Variants in ZNF148 observed in about 807,000 individuals in gnomAD.
The protein encoded by ZNF148 is zinc finger protein 148.
ZNF148 carries 7 observed loss-of-function variants against 67.7 expected under a neutral mutation model. That is an observed-to-expected ratio of 0.10 (90% CI 0.06 to 0.19). The LOEUF is 0.19. Among genes scored for constraint, ZNF148 ranks in the 10% least tolerant of loss-of-function variants. The pLI, the probability that ZNF148 is intolerant of heterozygous loss-of-function variation, is 1.00. For missense variants in ZNF148, 583 were observed against 947.1 expected (o/e 0.62, Z 5.05); for synonymous variants, 333 against 330.7 (o/e 1.01, Z -0.08).
chr3:125,366,411 C>A (rs529404735), intron 1 of ZNF148, among the ~76,000 whole-genome samples: 1 of 152,338 alleles, frequency 6.6e-6, no homozygotes, highest in South Asian at 2.1e-4. Flanking sequence ...GACTCTCCTA[C>A]CTTGTATTAT....
At chr3:125,350,678 C>A (rs950435432) in intron 1 of ZNF148, among the ~76,000 whole-genome samples, 1 of 152,156 alleles carries the variant, frequency 6.6e-6, no homozygotes, top group Non-Finnish European at 1.5e-5. Context: ...ATAGGCTTCA[C>A]GCTCCTAAGA....
intron 3 of ZNF148, among the ~76,000 whole-genome samples, chr3:125,316,865 T>C (rs562242484): frequency 6.6e-6 from 1 of 152,180 alleles, no homozygotes; most frequent in Admixed American, 6.6e-5. Flanking sequence ...GTGATTTTTT[T>C]AAATTAATCT....
At chr3:125,331,099 T>C (rs1473177815) in intron 2 of ZNF148, 59 bp downstream of exon 2, 1 of 398,322 alleles carries the variant, frequency 2.5e-6, no homozygotes, top group Non-Finnish European at 4.4e-6. Context: ...GTATGTGTAG[T>C]AACATGGGCA....
chr3:125,373,441 A>G (rs1942956458), intron 1 of ZNF148, among the ~76,000 whole-genome samples: 1 of 152,024 alleles, frequency 6.6e-6, no homozygotes, highest in South Asian at 2.1e-4. Context: ...GTAGTTTTTA[A>G]GAGTATGGTT....
intron 4 of ZNF148, among the ~76,000 whole-genome samples, chr3:125,296,402 C>T (rs1053567450): frequency 2.0e-5 from 3 of 152,162 alleles, no homozygotes; most frequent in East Asian, 1.9e-4. Flanking sequence ...GGATTACAGG[C>T]GTGAGCCACC....
intron 6 of ZNF148, among the ~76,000 whole-genome samples, 156 bp downstream of exon 6, chr3:125,278,968 T>C (rs1938221740): frequency 6.6e-6 from 1 of 152,178 alleles, no homozygotes; most frequent in African/African-American, 2.4e-5. Flanking sequence ...CTTAAGAGTT[T>C]TTCCTGGTTT....
chr3:125,300,499 T>C (rs1033076404), intron 4 of ZNF148, among the ~76,000 whole-genome samples: 2 of 152,186 alleles, frequency 1.3e-5, no homozygotes, highest in South Asian at 4.1e-4. Context: ...CTTATACCAA[T>C]GGCCAAATAT....
intron 7 of ZNF148, among the ~76,000 whole-genome samples, chr3:125,262,145 T>C (rs921982699): frequency 2.0e-5 from 3 of 152,188 alleles, no homozygotes; most frequent in East Asian, 1.9e-4. Context: ...TGAAACCGTC[T>C]TGTCACAAAG....
chr3:125,365,006 C>G (rs1942658591), intron 1 of ZNF148, among the ~76,000 whole-genome samples: 1 of 152,148 alleles, frequency 6.6e-6, no homozygotes, highest in Non-Finnish European at 1.5e-5. Flanking sequence ...ACCTTCTTGC[C>G]TATTATCTTA....
At chr3:125,254,784 T>C (rs1027314917) in intron 7 of ZNF148, among the ~76,000 whole-genome samples, 1 of 152,238 alleles carries the variant, frequency 6.6e-6, no homozygotes, top group Non-Finnish European at 1.5e-5. Flanking sequence ...CGGTTCTGTT[T>C]TGATATGAAT....
chr3:125,310,014 A>T (rs1940113185), intron 4 of ZNF148, among the ~76,000 whole-genome samples: 1 of 152,210 alleles, frequency 6.6e-6, no homozygotes, highest in African/African-American at 2.4e-5. Context: ...GTAGCTAGAA[A>T]ATATCTCAAA....
At chr3:125,342,343 CA>C (rs199779219) in intron 1 of ZNF148, among the ~76,000 whole-genome samples, 2 of 14,682 alleles carry the variant, frequency 1.4e-4, no homozygotes, top group African/African-American at 1.8e-4. Context: ...AAACTAAAGA[CA>C]AAAAAAAAAG....
chr3:125,242,534 T>C (rs1040621695), intron 7 of ZNF148, among the ~76,000 whole-genome samples: 4 of 152,088 alleles, frequency 2.6e-5, no homozygotes, highest in Non-Finnish European at 5.9e-5. Flanking sequence ...AGCAGGAGAA[T>C]TGCTTGAATC....
At chr3:125,315,281 C>A (rs1940430798) in intron 3 of ZNF148, among the ~76,000 whole-genome samples, 1 of 151,942 alleles carries the variant, frequency 6.6e-6, no homozygotes, top group Non-Finnish European at 1.5e-5. Context: ...AACTCCATAT[C>A]CTTAATATAT....
chr3:125,279,227 A>G lies in ZNF148; in HGVS notation c.480T>C (p.Asp160=), dbSNP rs1938237372. 4 of 1,584,602 alleles carry G rather than the reference A, an allele frequency of 2.5e-6. No homozygotes were observed. Among genetic ancestry groups the G allele is most frequent in the Non-Finnish European group, 3.4e-6 (4 of 1,166,250 alleles). ...TAGGGGTTTTCAAACCAAGTGATCC[A>G]TCCTCATTTATTGTAAGGATCTAGT... ...SPAKILTINE[D]GSLGLKTPKS... Residue 160 remains aspartate, a synonymous_variant, in exon 6 of 9, where the codon GAT becomes GAC. Transcript: ENST00000360647.
chr3:125,288,193 T>G lies in ZNF148; in HGVS notation c.369A>C (p.Val123=). The change falls in exon 5 of 9, where the codon GTA becomes GTC. Residue 123 remains valine, a synonymous_variant. Coordinates refer to ENST00000360647, the MANE Select transcript of ZNF148 (RefSeq NM_021964.3). ...TTTTGTCTCTCATCAGTTGCTCAGATACATCAGTAAAAGTAATTTCCTGCT... is the reference window on the plus strand; with the variant it reads ...TTTTGTCTCTCATCAGTTGCTCAGAGACATCAGTAAAAGTAATTTCCTGCT... The part of the protein sequence containing the change: ...SVKQEITFTD[V]SEQLMRDKKQ... 1 of 1,613,712 alleles carries G rather than the reference T, an allele frequency of 6.2e-7. No homozygotes were observed. Among genetic ancestry groups the G allele is most frequent in the Non-Finnish European group, 8.5e-7 (1 of 1,179,840 alleles).
At chr3:125,297,135 A>G (rs1939326218) in intron 4 of ZNF148, among the ~76,000 whole-genome samples, 1 of 59,318 alleles carries the variant, frequency 1.7e-5, no homozygotes, top group Non-Finnish European at 3.6e-5. Context: ...TAATTAAAAA[A>G]AATATTATTA....
At chr3:125,347,631 G>A (rs1301649381) in intron 1 of ZNF148, among the ~76,000 whole-genome samples, 17 of 150,866 alleles carry the variant, frequency 1.1e-4, no homozygotes, top group Admixed American at 9.9e-4. Flanking sequence ...GCAGTGGCAC[G>A]ATCTCAGCTC....
rs567433844 is a variant in ZNF148, at chr3:125,236,355, C to T, written c.668-2026G>A. Among the ~76,000 whole-genome samples, 141 of 152,226 alleles carry T rather than the reference C, an allele frequency of 9.3e-4. 1 individual carries two copies. Among genetic ancestry groups the T allele is most frequent in the African/African-American group, 3.1e-3 (127 of 41,528 alleles). ...TTGGGGTTACAGGCATGAGCCACTG[C>T]GCCTTGCCCCTTGTGATAATTTTAA... On this transcript the variant is annotated intron_variant, in intron 7 of 8. Transcript: ENST00000360647.
Sources: allele counts gnomAD v4.1 joint callset (sites outside exome capture counted in the v4.1 genomes callset), GRCh38; gene constraint gnomAD v4.1.1; transcripts MANE v1.5; gene names NCBI Gene and HGNC (gene_info 2026-07-23, HGNC 2026-07-21).